SPMIP4: variants seen among roughly 807,000 people sequenced by gnomAD.
The protein encoded by SPMIP4 is sperm-associated microtubule inner protein 4.
chr7:25,169,580 GTTTT>G, the SPMIP4 span, among the ~76,000 whole-genome samples: 1 of 151,782 alleles, frequency 6.6e-6, no homozygotes, highest in Non-Finnish European at 1.5e-5. Context: ...TTATTTATTT[GTTTT>G]TTTGAGATGG....
chr7:25,146,189 T>C, the SPMIP4 span, among the ~76,000 whole-genome samples: 2 of 152,148 alleles, frequency 1.3e-5, no homozygotes. Flanking sequence ...AATGAGAGAC[T>C]GGCAGAGAGA....
chr7:25,135,978 A>T, the SPMIP4 span: 4 of 1,588,946 alleles, frequency 2.5e-6, no homozygotes, highest in Non-Finnish European at 3.4e-6. Flanking sequence ...TATCTCAATT[A>T]TAGAAATAAT....
the SPMIP4 span, among the ~76,000 whole-genome samples, chr7:25,161,702 G>A: frequency 1.4e-5 from 2 of 146,152 alleles, no homozygotes; most frequent in African/African-American, 5.1e-5. Context: ...TGATTCTCCC[G>A]CCTCAGCCTC....
the SPMIP4 span, among the ~76,000 whole-genome samples, chr7:25,167,954 A>C: frequency 6.6e-6 from 1 of 152,232 alleles, no homozygotes; most frequent in African/African-American, 2.4e-5. Context: ...ATTACAAATC[A>C]AAAGTTCCAA....
chr7:25,150,668 C>A, the SPMIP4 span, among the ~76,000 whole-genome samples: 1 of 152,146 alleles, frequency 6.6e-6, no homozygotes, highest in African/African-American at 2.4e-5. Flanking sequence ...TTATAATTTT[C>A]TCTTTTTATC....
At chr7:25,176,027 T>C in the SPMIP4 span, among the ~76,000 whole-genome samples, 1 of 152,376 alleles carries the variant, frequency 6.6e-6, no homozygotes, top group African/African-American at 2.4e-5. The surrounding 1 kb of genome is among the most constrained non-coding windows in gnomAD (Gnocchi z 4.4). Flanking sequence ...GGAAAGCAAG[T>C]TGTAGTTATT....
chr7:25,169,726 C>G, the SPMIP4 span, among the ~76,000 whole-genome samples: 8 of 152,124 alleles, frequency 5.3e-5, no homozygotes, highest in Non-Finnish European at 1.2e-4. Context: ...AGGTGCCCAC[C>G]ACCACGCCTG....
chr7:25,174,328 A>G, the SPMIP4 span, among the ~76,000 whole-genome samples: 2 of 127,696 alleles, frequency 1.6e-5, no homozygotes, highest in Non-Finnish European at 3.9e-5. This position sits in a 1 kb window ranked among gnomAD's most constrained non-coding sequence, Gnocchi z 4.5. Flanking sequence ...TAAATAAAAT[A>G]CATCTCTATA....
the SPMIP4 span, chr7:25,125,833 C>G: frequency 1.2e-6 from 1 of 817,590 alleles, no homozygotes; most frequent in Non-Finnish European, 1.5e-6. Context: ...AGGAGTTACA[C>G]GAGTTGGGCA....
chr7:25,148,481 T>A, the SPMIP4 span, among the ~76,000 whole-genome samples: 2 of 58,030 alleles, frequency 3.4e-5, no homozygotes, highest in Non-Finnish European at 1.1e-4. Flanking sequence ...CTGCCTCTTT[T>A]TTTTTTTTTT....
At chr7:25,168,085 A>G in the SPMIP4 span, among the ~76,000 whole-genome samples, 5 of 152,234 alleles carry the variant, frequency 3.3e-5, no homozygotes, top group African/African-American at 4.8e-5. Flanking sequence ...TCTGATCACA[A>G]TATTTTAACA....
the SPMIP4 span, among the ~76,000 whole-genome samples, chr7:25,148,236 TGAG>T: frequency 6.6e-6 from 1 of 152,186 alleles, no homozygotes; most frequent in Non-Finnish European, 1.5e-5. Context: ...CAGCCAAGGT[TGAG>T]GACCACTGCT....
chr7:25,127,628 G>A, the SPMIP4 span, among the ~76,000 whole-genome samples: 67 of 152,228 alleles, frequency 4.4e-4, no homozygotes, highest in African/African-American at 1.6e-3. Context: ...CCTCAACACA[G>A]CTATTTTGAA....
chr7:25,166,918 G>A, the SPMIP4 span, among the ~76,000 whole-genome samples: 1 of 152,004 alleles, frequency 6.6e-6, no homozygotes, highest in Non-Finnish European at 1.5e-5. Context: ...TAAGAGATAT[G>A]CAAGTGTAAC....
chr7:25,168,326 G>A, the SPMIP4 span: 1 of 1,609,692 alleles, frequency 6.2e-7, no homozygotes, highest in South Asian at 1.1e-5. Context: ...TAATGCTGAT[G>A]TCCTTTGCCC....
At chr7:25,143,975 G>A in the SPMIP4 span, among the ~76,000 whole-genome samples, 21 of 152,286 alleles carry the variant, frequency 1.4e-4, no homozygotes, top group East Asian at 2.9e-3. Context: ...TGGGAAACAG[G>A]GAGGGAGGGT....
the SPMIP4 span, among the ~76,000 whole-genome samples, chr7:25,160,914 A>G: frequency 2.0e-5 from 3 of 152,192 alleles, no homozygotes; most frequent in African/African-American, 7.2e-5. Context: ...AGGCAGGAAA[A>G]TGGACCAAGA....
chr7:25,178,114 T>C, the SPMIP4 span, among the ~76,000 whole-genome samples: 3 of 152,250 alleles, frequency 2.0e-5, no homozygotes, highest in African/African-American at 7.2e-5. Flanking sequence ...TCCAGCTCCA[T>C]CCACGTTGCT....
chr7:25,134,518 G>A, the SPMIP4 span, among the ~76,000 whole-genome samples: 3 of 152,172 alleles, frequency 2.0e-5, no homozygotes, highest in East Asian at 5.8e-4. Flanking sequence ...TAGTTGAGAA[G>A]CATGACTATG....
Sources: gnomAD v4.1 joint callset for allele counts (sites outside exome capture counted in the v4.1 genomes callset) on GRCh38, gnomAD v4.1.1 for gene constraint, Gnocchi (gnomAD v3.1) non-coding constraint, MANE v1.5 for transcripts, NCBI Gene and HGNC (gene_info 2026-07-23, HGNC 2026-07-21) for gene names.